PIK3R3: variants seen among roughly 807,000 people sequenced by gnomAD.
PIK3R3 encodes phosphoinositide-3-kinase regulatory subunit 3, also known as phosphatidylinositol 3-kinase regulatory subunit gamma.
A neutral mutation model predicts 62.9 loss-of-function variants in PIK3R3; 64 were observed. The ratio of observed to expected loss-of-function variants is 1.02; its 90% CI spans 0.83 to 1.25. PIK3R3 has a LOEUF of 1.25. Among genes scored for constraint, PIK3R3 ranks in the 50% most tolerant of loss-of-function variants. PIK3R3 has a pLI of 0.00. For missense variants in PIK3R3, 614 were observed against 561.6 expected (o/e 1.09, Z -0.94); for synonymous variants, 165 against 189.0 (o/e 0.87, Z 1.04).
In PIK3R3 at chr1:46,068,448, T is replaced by C. The variant is rs532063928; in HGVS notation, c.315-1357A>G. Among the ~76,000 whole-genome samples, 21 of 152,230 alleles carry C rather than the reference T, an allele frequency of 1.4e-4. No homozygotes were observed. The South Asian group carries it at 3.5e-3, about 26-fold the overall frequency. ...CTGTCTTTCAGTTTATTAAGGAAGA[T>C]AACAAACTTCTCAAGATAGAACACA... On this transcript the variant is annotated intron_variant, in intron 3 of 9. Coordinates refer to ENST00000262741, the MANE Select transcript of PIK3R3 (RefSeq NM_003629.4).
chr1:46,126,392 G>A (rs958367904), intron 1 of PIK3R3, among the ~76,000 whole-genome samples: 1 of 151,872 alleles, frequency 6.6e-6, no homozygotes, highest in African/African-American at 2.4e-5. Flanking sequence ...ACAAAAATTA[G>A]CCAGGCATGG....
At position 46,080,754 on chromosome 1, in the gene PIK3R3, GA is replaced by G. The variant is rs1650506113; in HGVS notation, c.107-5del. The G allele has an allele frequency of 6.3e-7, 1 of 1,578,998 alleles. No homozygotes were observed. The highest frequency in any genetic ancestry group is 1.3e-5 in the African/African-American group (1 of 74,286). On this transcript the variant is annotated splice_region_variant and splice_polypyrimidine_tract_variant and intron_variant, in intron 1 of 9. Transcript: ENST00000262741. ...TTAGGTGGCTTTGGTGGAAGAGCTA[GA>G]AGAGAAATGAATATTACTCTGTAGA... is the stretch of plus-strand genomic sequence containing the variant.
chr1:46,119,396 A>C (rs947727926), intron 1 of PIK3R3, among the ~76,000 whole-genome samples: 6 of 152,188 alleles, frequency 3.9e-5, no homozygotes, highest in Non-Finnish European at 8.8e-5. Flanking sequence ...GACCATTATC[A>C]CCCTACTTTT....
At chr1:46,109,176 AAAAAAAAT>A (rs1379835518) in intron 1 of PIK3R3, among the ~76,000 whole-genome samples, 4 of 133,130 alleles carry the variant, frequency 3.0e-5, no homozygotes, top group African/African-American at 2.7e-5. Flanking sequence ...AAAAAAAAAA[AAAAAAAAT>A]TATGTTTCTC....
intron 1 of PIK3R3, among the ~76,000 whole-genome samples, chr1:46,083,199 C>T (rs2149417566): frequency 6.6e-6 from 1 of 152,180 alleles, no homozygotes; most frequent in African/African-American, 2.4e-5. Context: ...AAGCAGATAT[C>T]CACATGCAAA....
chr1:46,070,515 C>T (rs1649386265), intron 3 of PIK3R3, among the ~76,000 whole-genome samples: 2 of 152,104 alleles, frequency 1.3e-5, no homozygotes, highest in African/African-American at 4.8e-5. Flanking sequence ...TTGTCATTTA[C>T]GAAACTGACG....
chr1:46,158,106 T>C, the PIK3R3 span, among the ~76,000 whole-genome samples: 1 of 152,122 alleles, frequency 6.6e-6, no homozygotes, highest in Non-Finnish European at 1.5e-5. Context: ...GCCTCCTGGG[T>C]CACCCCATCC....
intron 1 of PIK3R3, among the ~76,000 whole-genome samples, chr1:46,130,203 G>C (rs1473649428): frequency 6.6e-6 from 1 of 152,102 alleles, no homozygotes; most frequent in Non-Finnish European, 1.5e-5. Context: ...ATATAATGCA[G>C]TATAATTCTA....
chr1:46,131,706 T>G (rs1655610810), intron 1 of PIK3R3, 141 bp downstream of exon 1: 3 of 649,350 alleles, frequency 4.6e-6, no homozygotes. Context: ...CAGAAGCAGT[T>G]TTACCGCAGC....
chr1:46,119,268 T>A (rs1029219722), intron 1 of PIK3R3, among the ~76,000 whole-genome samples: 1 of 152,212 alleles, frequency 6.6e-6, no homozygotes, highest in Non-Finnish European at 1.5e-5. Context: ...AAATATTTGT[T>A]GAAAAACATG....
At chr1:46,078,978 T>C (rs565382919) in intron 2 of PIK3R3, among the ~76,000 whole-genome samples, 2 of 151,834 alleles carry the variant, frequency 1.3e-5, no homozygotes, top group South Asian at 4.2e-4. Flanking sequence ...GAGGGGAGAA[T>C]GGGGGGTTAT....
intron 1 of PIK3R3, among the ~76,000 whole-genome samples, chr1:46,094,502 A>G (rs536774513): frequency 6.6e-6 from 1 of 152,376 alleles, no homozygotes; most frequent in Non-Finnish European, 1.5e-5. Flanking sequence ...AAAACATTTC[A>G]TCTTTCTAAA....
chr1:46,075,983 TGCTCCA>T (rs1407265078), intron 3 of PIK3R3, among the ~76,000 whole-genome samples: 1 of 152,214 alleles, frequency 6.6e-6, no homozygotes, highest in Non-Finnish European at 1.5e-5. Context: ...AATAAGAGTG[TGCTCCA>T]GCTCCAAGAC....
intron 3 of PIK3R3, among the ~76,000 whole-genome samples, chr1:46,075,795 A>G (rs1650015459): frequency 6.6e-6 from 1 of 152,172 alleles, no homozygotes; most frequent in South Asian, 2.1e-4. Context: ...ATTACAGGCC[A>G]TCTGCAAGCT....
chr1:46,063,150 T>C (rs1648673046), intron 5 of PIK3R3, among the ~76,000 whole-genome samples: 1 of 152,356 alleles, frequency 6.6e-6, no homozygotes, highest in South Asian at 2.1e-4. Context: ...AGTTATTTAT[T>C]GCTTTACAGA....
At chr1:46,142,961 A>G in the PIK3R3 span, among the ~76,000 whole-genome samples, 3 of 152,230 alleles carry the variant, frequency 2.0e-5, no homozygotes. Context: ...CTTGGAAAAC[A>G]TTGTTGCAAC....
At chr1:46,115,646 G>A (rs1654120219) in intron 1 of PIK3R3, among the ~76,000 whole-genome samples, 1 of 152,210 alleles carries the variant, frequency 6.6e-6, no homozygotes. Context: ...TGACTATCTG[G>A]AGAAAAACTA....
chr1:46,130,662 T>C (rs1655504475), intron 1 of PIK3R3, among the ~76,000 whole-genome samples: 1 of 152,148 alleles, frequency 6.6e-6, no homozygotes, highest in Non-Finnish European at 1.5e-5. Flanking sequence ...CTTGCATGGC[T>C]CAAATCCTTT....
At chr1:46,157,459 G>A in the PIK3R3 span, among the ~76,000 whole-genome samples, 29 of 152,226 alleles carry the variant, frequency 1.9e-4, no homozygotes, top group East Asian at 7.7e-4. Flanking sequence ...TCTTTAAAAG[G>A]AACTAGTGGC....
Sources: allele counts gnomAD v4.1 joint callset (sites outside exome capture counted in the v4.1 genomes callset), GRCh38; gene constraint gnomAD v4.1.1; transcripts MANE v1.5; gene names NCBI Gene and HGNC (gene_info 2026-07-23, HGNC 2026-07-21).